FTO: variants seen among roughly 807,000 people sequenced by gnomAD.
FTO encodes the protein alpha-ketoglutarate-dependent dioxygenase FTO.
In FTO, 47 loss-of-function variants were observed where a neutral mutation model predicts 63.9. The ratio of observed to expected loss-of-function variants is 0.74; its 90% confidence interval spans 0.58 to 0.94. FTO has a LOEUF of 0.94. Ranked by LOEUF, FTO falls within the 40% of genes least tolerant of loss-of-function variation. FTO has a pLI of 0.00. For missense variants in FTO, 562 were observed against 618.1 expected (o/e 0.91, Z 0.96); for synonymous variants, 207 against 224.4 (o/e 0.92, Z 0.69).
chr16:53,704,260 TC>T, intron 1 of FTO, 31 bp downstream of exon 1: 1 of 1,549,634 alleles, frequency 6.5e-7, no homozygotes, highest in South Asian at 1.2e-5. Flanking sequence ...CTGGAGATCT[TC>T]GTGCGCTGTG....
intron 8 of FTO, among the ~76,000 whole-genome samples, chr16:54,002,344 A>G (rs1478297340): frequency 6.6e-6 from 1 of 152,208 alleles, no homozygotes; most frequent in African/African-American, 2.4e-5. Flanking sequence ...ACTGTCATTT[A>G]TAAACTCAAA....
At chr16:54,033,504 G>T (rs1220887634) in intron 8 of FTO, among the ~76,000 whole-genome samples, 1 of 152,162 alleles carries the variant, frequency 6.6e-6, no homozygotes. Flanking sequence ...ACAGTTGTGT[G>T]GTATAAATTT....
intron 8 of FTO, among the ~76,000 whole-genome samples, chr16:54,020,758 GGTCAGGAGTTCGA>G (rs549792280): frequency 1.6e-3 from 248 of 152,220 alleles, no homozygotes; most frequent in African/African-American, 5.9e-3. Flanking sequence ...GATTACTTGA[GGTCAGGAGTTCGA>G]GTCCAGCCTG....
chr16:53,836,588 G>A (rs1449619339), intron 3 of FTO, among the ~76,000 whole-genome samples: 1 of 152,172 alleles, frequency 6.6e-6, no homozygotes, highest in Admixed American at 6.5e-5. Flanking sequence ...TTCTGCAACT[G>A]CAGTCTCTGT....
intron 1 of FTO, among the ~76,000 whole-genome samples, chr16:53,795,693 T>C (rs1013041665): frequency 6.6e-6 from 1 of 152,214 alleles, no homozygotes; most frequent in Non-Finnish European, 1.5e-5. Flanking sequence ...AGTATCATCA[T>C]GTTGACGTTG....
At chr16:53,928,000 G>A (rs1233045872) in intron 7 of FTO, among the ~76,000 whole-genome samples, 1 of 152,158 alleles carries the variant, frequency 6.6e-6, no homozygotes, top group African/African-American at 2.4e-5. Flanking sequence ...TAAGATGAAA[G>A]TAAACAATAA....
At chr16:53,782,297 C>T (rs182178755) in intron 1 of FTO, among the ~76,000 whole-genome samples, 14 of 152,248 alleles carry the variant, frequency 9.2e-5, no homozygotes, top group Admixed American at 7.8e-4. Flanking sequence ...TTCCTTTTCC[C>T]TGGGACCTGT....
chr16:53,931,298 C>A lies in FTO; in HGVS notation c.1240-2687C>A, dbSNP rs544239089. On this transcript the variant is annotated intron_variant, in intron 7 of 8. Transcript: ENST00000471389. ...ACAGATATAACCACAAACTATGTGA[C>A]TTTTTTTTTTTTTTTTTTTTTTTTT... Among the ~76,000 whole-genome samples the A allele has an allele frequency of 7.2e-3, 738 of 101,934 alleles. 7 individuals carry two copies. The highest frequency in any genetic ancestry group is 0.027 in the African/African-American group (698 of 26,338). 66.9% of individuals were successfully genotyped at this position (101,934 alleles called of 152,430 possible).
At chr16:54,093,721 A>C (rs2086449929) in intron 8 of FTO, among the ~76,000 whole-genome samples, 1 of 152,178 alleles carries the variant, frequency 6.6e-6, no homozygotes, top group Admixed American at 6.5e-5. Flanking sequence ...CAAATGAGAA[A>C]GCATCTGGGA....
chr16:53,727,482 G>A (rs2076178783), intron 1 of FTO, among the ~76,000 whole-genome samples: 1 of 152,200 alleles, frequency 6.6e-6, no homozygotes, highest in Admixed American at 6.5e-5. Flanking sequence ...GGAATTTTAA[G>A]TGATCTGATC....
At chr16:54,087,426 C>T (rs2086275797) in intron 8 of FTO, among the ~76,000 whole-genome samples, 1 of 152,214 alleles carries the variant, frequency 6.6e-6, no homozygotes, top group East Asian at 1.9e-4. Flanking sequence ...GATAGACAAT[C>T]AAAAGAACTC....
At chr16:53,744,326 C>T (rs750884764) in intron 1 of FTO, among the ~76,000 whole-genome samples, 11 of 152,232 alleles carry the variant, frequency 7.2e-5, no homozygotes, top group Non-Finnish European at 1.2e-4. Context: ...TCTCTTTTAC[C>T]CAAATTTAGA....
intron 7 of FTO, among the ~76,000 whole-genome samples, chr16:53,923,484 ATGTACAAAAT>A (rs1166891391): frequency 6.6e-6 from 1 of 152,174 alleles, no homozygotes; most frequent in Non-Finnish European, 1.5e-5. Flanking sequence ...GCAATTAATC[ATGTACAAAAT>A]CAGTCGAGTG....
At chr16:53,963,534 G>A (rs1214223792) in intron 8 of FTO, among the ~76,000 whole-genome samples, 2 of 152,122 alleles carry the variant, frequency 1.3e-5, no homozygotes, top group South Asian at 2.1e-4. Context: ...GTTTAGCACC[G>A]TCCACCCTTG....
intron 8 of FTO, among the ~76,000 whole-genome samples, chr16:54,009,399 G>T (rs1161633699): frequency 6.6e-6 from 1 of 152,134 alleles, no homozygotes; most frequent in African/African-American, 2.4e-5. Context: ...CTTAAAATGT[G>T]TAAAACTATA....
At chr16:53,819,999 TTTC>T (rs1394924344) in intron 2 of FTO, among the ~76,000 whole-genome samples, 125 of 149,642 alleles carry the variant, frequency 8.4e-4, no homozygotes, top group African/African-American at 2.7e-3. Flanking sequence ...CTAATGCTAT[TTTC>T]TTCTTCTTCT....
intron 8 of FTO, among the ~76,000 whole-genome samples, chr16:53,974,158 C>T (rs1226842001): frequency 3.3e-5 from 5 of 152,142 alleles, no homozygotes; most frequent in South Asian, 4.2e-4. Context: ...TGGATGATGC[C>T]GACTTGCGGT....
At chr16:53,749,162 T>C (rs1490218076) in intron 1 of FTO, among the ~76,000 whole-genome samples, 1 of 152,252 alleles carries the variant, frequency 6.6e-6, no homozygotes, top group Admixed American at 6.5e-5. Context: ...GTGTTGATTT[T>C]GTATCCTGCA....
chr16:53,869,630 C>A (rs1257633600), intron 4 of FTO, among the ~76,000 whole-genome samples: 2 of 146,818 alleles, frequency 1.4e-5, no homozygotes, highest in South Asian at 4.4e-4. Flanking sequence ...GATCTTTCAT[C>A]TGCCTTGCCC....
Sources: allele counts gnomAD v4.1 joint callset (sites outside exome capture counted in the v4.1 genomes callset), GRCh38; gene constraint gnomAD v4.1.1; transcripts MANE v1.5; gene names NCBI Gene and HGNC (gene_info 2026-07-23, HGNC 2026-07-21).